Variants in CPNE4 observed in about 807,000 individuals in gnomAD.
CPNE4 encodes the protein copine 4.
In CPNE4, 25 loss-of-function variants were observed where a neutral mutation model predicts 67.9. That is an observed-to-expected ratio of 0.37 (90% confidence interval 0.27 to 0.51). The LOEUF (loss-of-function observed/expected upper bound fraction) is 0.51. Ranked by LOEUF, CPNE4 falls within the 20% of genes least tolerant of loss-of-function variation. CPNE4 has a pLI of 0.93. For synonymous variants in CPNE4, 242 were observed against 244.9 expected (o/e 0.99, Z 0.11); for missense variants, 464 against 690.8 (o/e 0.67, Z 3.68).
At chr3:131,931,012 A>T (rs1373451038) in intron 1 of CPNE4, among the ~76,000 whole-genome samples, 1 of 152,094 alleles carries the variant, frequency 6.6e-6, no homozygotes, top group East Asian at 1.9e-4. Flanking sequence ...GTTGATCAGA[A>T]ATATTTCTAA....
intron 2 of CPNE4, among the ~76,000 whole-genome samples, chr3:131,808,279 T>C (rs2084395336): frequency 6.6e-6 from 1 of 152,102 alleles, no homozygotes; most frequent in Admixed American, 6.5e-5. Flanking sequence ...GACTGAAAAA[T>C]GGCTCAATGT....
At chr3:131,945,567 GCT>G (rs1410905088) in intron 1 of CPNE4, among the ~76,000 whole-genome samples, 1 of 152,102 alleles carries the variant, frequency 6.6e-6, no homozygotes, top group African/African-American at 2.4e-5. Context: ...CTTTCTCAGG[GCT>G]CAACTGAAGT....
chr3:131,960,489 G>A (rs1446615426), intron 1 of CPNE4, among the ~76,000 whole-genome samples: 2 of 152,272 alleles, frequency 1.3e-5, no homozygotes, highest in Non-Finnish European at 1.5e-5. Flanking sequence ...AGGTCAGCTT[G>A]CTCTCTGACC....
chr3:131,905,049 C>G (rs1379917316), intron 2 of CPNE4, among the ~76,000 whole-genome samples: 1 of 151,976 alleles, frequency 6.6e-6, no homozygotes, highest in Non-Finnish European at 1.5e-5. Flanking sequence ...AACAAAAACA[C>G]CTAAAAAGTC....
intron 2 of CPNE4, among the ~76,000 whole-genome samples, chr3:131,807,620 A>T (rs962035188): frequency 2.0e-5 from 3 of 152,166 alleles, no homozygotes; most frequent in African/African-American, 7.2e-5. Context: ...TCCCTGGGTC[A>T]TAGGGGAATA....
intron 7 of CPNE4, among the ~76,000 whole-genome samples, chr3:131,656,469 G>A (rs1335776449): frequency 6.6e-6 from 1 of 152,140 alleles, no homozygotes; most frequent in African/African-American, 2.4e-5. Context: ...AGACCAAATA[G>A]CAAAAAATCT....
At chr3:131,689,232 C>G (rs1464509441) in intron 5 of CPNE4, among the ~76,000 whole-genome samples, 1 of 152,122 alleles carries the variant, frequency 6.6e-6, no homozygotes, top group African/African-American at 2.4e-5. Flanking sequence ...CAACCTTTGC[C>G]TCATAGTGAC....
intron 1 of CPNE4, among the ~76,000 whole-genome samples, chr3:131,976,864 C>A (rs1178872529): frequency 6.6e-6 from 1 of 151,362 alleles, no homozygotes; most frequent in Non-Finnish European, 1.5e-5. Flanking sequence ...TGGAGTGGCA[C>A]AATCTTGGCT....
intron 2 of CPNE4, among the ~76,000 whole-genome samples, chr3:131,853,397 C>T (rs2086312105): frequency 6.6e-6 from 1 of 151,658 alleles, no homozygotes; most frequent in Non-Finnish European, 1.5e-5. Flanking sequence ...ACTCTCAAAT[C>T]TTATCCTATA....
At chr3:131,665,399 C>A (rs888836053) in intron 7 of CPNE4, among the ~76,000 whole-genome samples, 3 of 152,078 alleles carry the variant, frequency 2.0e-5, no homozygotes, top group African/African-American at 7.2e-5. Context: ...TGCTGGGCAC[C>A]TATAATCCCA....
At position 131,801,452 on chromosome 3, in the gene CPNE4, G is replaced by GTGTATATATATATA. The variant is rs761978890; in HGVS notation, c.181-77828_181-77827insTATATATATATACA. Among the ~76,000 whole-genome samples the GTGTATATATATATA allele has an allele frequency of 1.5e-3, 80 of 53,332 alleles. 1 individual carries two copies. Among genetic ancestry groups the GTGTATATATATATA allele is most frequent in the South Asian group, 5.5e-3 (6 of 1,088 alleles). The allele number at this position is 53,332 out of a possible 152,430, so 35.0% of individuals were successfully genotyped here. On this transcript the variant is annotated intron_variant, in intron 2 of 15. Transcript: ENST00000429747. ...TGTGTGTGTGTGTGTGTGTGTGTGT[G>GTGTATATATATATA]TATATATATATATATATATATATAT...
chr3:131,661,020 C>T (rs1417612987), intron 7 of CPNE4, among the ~76,000 whole-genome samples: 8 of 152,186 alleles, frequency 5.3e-5, no homozygotes, highest in African/African-American at 1.7e-4. Flanking sequence ...ACCTGAGTTA[C>T]TGGATTACTT....
At chr3:131,999,253 A>AAAAAAAAAAAAAAAAAAAAAAAAAT (rs2073369521) in intron 1 of CPNE4, among the ~76,000 whole-genome samples, 1 of 150,392 alleles carries the variant, frequency 6.6e-6, no homozygotes, top group African/African-American at 2.4e-5. Context: ...AAAAAAAAAA[A>AAAAAAAAAAAAAAAAAAAAAAAAAT]AAAAAAAAAA....
At chr3:131,601,742 G>C (rs762924530) in intron 7 of CPNE4, among the ~76,000 whole-genome samples, 2 of 152,138 alleles carry the variant, frequency 1.3e-5, no homozygotes, top group African/African-American at 4.8e-5. Flanking sequence ...AATCTGTCCA[G>C]TTAAGGCTCT....
At chr3:131,710,939 T>C (rs2081542561) in intron 3 of CPNE4, among the ~76,000 whole-genome samples, 1 of 152,222 alleles carries the variant, frequency 6.6e-6, no homozygotes, top group Admixed American at 6.5e-5. Context: ...AGGCATGTAA[T>C]CTTGGCCTAG....
intron 1 of CPNE4, among the ~76,000 whole-genome samples, chr3:131,967,925 G>C (rs2072397693): frequency 1.3e-5 from 2 of 152,064 alleles, no homozygotes; most frequent in African/African-American, 2.4e-5. Flanking sequence ...AAAGAACAAA[G>C]CTGGAGGCAT....
chr3:131,667,454 A>T (rs2080293234), intron 7 of CPNE4, among the ~76,000 whole-genome samples: 2 of 151,566 alleles, frequency 1.3e-5, no homozygotes, highest in South Asian at 4.2e-4. Flanking sequence ...AGGGTGTGTG[A>T]GTGTGTATGT....
intron 2 of CPNE4, among the ~76,000 whole-genome samples, chr3:131,842,541 C>G (rs1212233733): frequency 6.6e-6 from 1 of 152,076 alleles, no homozygotes; most frequent in Non-Finnish European, 1.5e-5. Flanking sequence ...GGGAGAATCA[C>G]TTAGATAAGA....
intron 2 of CPNE4, among the ~76,000 whole-genome samples, chr3:131,791,890 T>C (rs1040623474): frequency 1.3e-5 from 2 of 152,154 alleles, no homozygotes; most frequent in Non-Finnish European, 2.9e-5. Context: ...GCCATGTTGG[T>C]GGAGGACTCA....
Sources: allele counts gnomAD v4.1 joint callset (sites outside exome capture counted in the v4.1 genomes callset), GRCh38; gene constraint gnomAD v4.1.1; transcripts MANE v1.5; gene names NCBI Gene and HGNC (gene_info 2026-07-23, HGNC 2026-07-21).